Variants in SH3GL2 observed in about 807,000 individuals in gnomAD.
SH3GL2 encodes the protein SH3 domain containing GRB2 like 2, endophilin A1.
Under a neutral mutation model 46.0 loss-of-function variants are expected in SH3GL2, and 24 were observed. That is an observed-to-expected ratio of 0.52 (90% CI 0.38 to 0.73). The LOEUF (loss-of-function observed/expected upper bound fraction) is 0.73. SH3GL2 is among the 30% of genes least tolerant of loss of function. The pLI is 0.00. For synonymous variants in SH3GL2, 196 were observed against 147.1 expected (o/e 1.33, Z -2.40); for missense variants, 413 against 424.2 (o/e 0.97, Z 0.23).
intron 1 of SH3GL2, among the ~76,000 whole-genome samples, chr9:17,638,605 C>T (rs1419114619): frequency 6.6e-6 from 1 of 152,236 alleles, no homozygotes; most frequent in Non-Finnish European, 1.5e-5. Flanking sequence ...GAATGAGACA[C>T]TGCCACCAGT....
intron 1 of SH3GL2, among the ~76,000 whole-genome samples, chr9:17,695,551 C>G (rs1479774817): frequency 6.6e-6 from 1 of 152,058 alleles, no homozygotes; most frequent in Non-Finnish European, 1.5e-5. Flanking sequence ...CAGATGGCAA[C>G]TTTGAGGAGG....
intron 1 of SH3GL2, among the ~76,000 whole-genome samples, chr9:17,660,325 G>A (rs1820181580): frequency 6.6e-6 from 1 of 152,140 alleles, no homozygotes; most frequent in Admixed American, 6.6e-5. Flanking sequence ...CTCAAGCTGT[G>A]TGTCTGTGGA....
intron 1 of SH3GL2, chr9:17,654,025 C>A: frequency 5.4e-6 from 1 of 186,804 alleles, no homozygotes; most frequent in Non-Finnish European, 1.0e-5. Context: ...ATCCCTTCAG[C>A]ATTTTAAGCT....
intron 1 of SH3GL2, among the ~76,000 whole-genome samples, chr9:17,665,650 A>C (rs1041586535): frequency 6.6e-6 from 1 of 151,946 alleles, no homozygotes; most frequent in Non-Finnish European, 1.5e-5. Flanking sequence ...GAATGATGTC[A>C]TCATCGTTCT....
At chr9:17,656,552 A>G (rs1820082013) in intron 1 of SH3GL2, among the ~76,000 whole-genome samples, 1 of 152,122 alleles carries the variant, frequency 6.6e-6, no homozygotes, top group African/African-American at 2.4e-5. Flanking sequence ...ATTAAAGTAT[A>G]TGCCTGTGAT....
At chr9:17,675,434 C>A (rs928443178) in intron 1 of SH3GL2, among the ~76,000 whole-genome samples, 2 of 152,200 alleles carry the variant, frequency 1.3e-5, no homozygotes, top group African/African-American at 4.8e-5. Flanking sequence ...TAAAGAAATT[C>A]CTTTATGTAT....
chr9:17,699,511 G>A (rs1821292761), intron 1 of SH3GL2, among the ~76,000 whole-genome samples: 1 of 152,084 alleles, frequency 6.6e-6, no homozygotes, highest in Non-Finnish European at 1.5e-5. Context: ...AAGGAATTTC[G>A]CTGAAATCTG....
At chr9:17,684,908 A>C (rs117858596) in intron 1 of SH3GL2, among the ~76,000 whole-genome samples, 1 of 152,274 alleles carries the variant, frequency 6.6e-6, no homozygotes, top group African/African-American at 2.4e-5. Context: ...TTAAAAATCA[A>C]TGGAAATGAA....
intron 1 of SH3GL2, among the ~76,000 whole-genome samples, chr9:17,729,377 G>A (rs932445016): frequency 2.0e-5 from 3 of 152,034 alleles, no homozygotes; most frequent in Non-Finnish European, 4.4e-5. Context: ...TTTGTCAGAT[G>A]GATAGATTGC....
At chr9:17,671,556 T>A (rs1465938432) in intron 1 of SH3GL2, among the ~76,000 whole-genome samples, 4 of 152,160 alleles carry the variant, frequency 2.6e-5, no homozygotes, top group Non-Finnish European at 4.4e-5. Flanking sequence ...ATGGTACGAT[T>A]ATCACTCATT....
intron 1 of SH3GL2, among the ~76,000 whole-genome samples, chr9:17,618,793 T>TTTTGTG (rs1554630508): frequency 1.3e-5 from 2 of 149,484 alleles, no homozygotes; most frequent in African/African-American, 2.5e-5. Flanking sequence ...TTGGCTTATT[T>TTTTGTG]TGTGTGTGTG....
chr9:17,745,494 C>T (rs887555629), intron 1 of SH3GL2, among the ~76,000 whole-genome samples: 32 of 152,224 alleles, frequency 2.1e-4, no homozygotes, highest in African/African-American at 6.7e-4. Flanking sequence ...CAGTCCATGT[C>T]ATGCTCTTCC....
intron 1 of SH3GL2, among the ~76,000 whole-genome samples, chr9:17,595,310 A>G (rs539273110): frequency 2.6e-5 from 4 of 152,340 alleles, no homozygotes; most frequent in African/African-American, 9.6e-5. Context: ...TAAGACAACA[A>G]TATGAAAGGC....
intron 3 of SH3GL2, among the ~76,000 whole-genome samples, chr9:17,783,142 A>G (rs1823860681): frequency 6.6e-6 from 1 of 152,026 alleles, no homozygotes; most frequent in Admixed American, 6.6e-5. Context: ...TTATCATTGA[A>G]CACTGATAAC....
intron 1 of SH3GL2, among the ~76,000 whole-genome samples, chr9:17,583,192 A>G (rs1038844017): frequency 6.6e-6 from 1 of 152,216 alleles, no homozygotes; most frequent in East Asian, 1.9e-4. Flanking sequence ...CCTATAAATA[A>G]CATATAACTT....
intron 1 of SH3GL2, among the ~76,000 whole-genome samples, chr9:17,641,968 G>T (rs1179442373): frequency 6.6e-6 from 1 of 152,136 alleles, no homozygotes; most frequent in Non-Finnish European, 1.5e-5. Flanking sequence ...TAATGGGATT[G>T]CTGGGTCAAA....
At chr9:17,610,620 T>C (rs1376613197) in intron 1 of SH3GL2, among the ~76,000 whole-genome samples, 1 of 152,200 alleles carries the variant, frequency 6.6e-6, no homozygotes, top group East Asian at 1.9e-4. Context: ...GGTGTAAGGA[T>C]CCCTGGCTGA....
At chr9:17,777,576 C>T (rs978468563) in intron 3 of SH3GL2, among the ~76,000 whole-genome samples, 5 of 151,974 alleles carry the variant, frequency 3.3e-5, no homozygotes, top group African/African-American at 1.2e-4. Flanking sequence ...GTTATATAGT[C>T]CAAGATCAAG....
At chr9:17,780,275 T>G (rs1823764408) in intron 3 of SH3GL2, among the ~76,000 whole-genome samples, 1 of 152,174 alleles carries the variant, frequency 6.6e-6, no homozygotes, top group Non-Finnish European at 1.5e-5. Context: ...ATCTGTCTTG[T>G]AACTGAAATA....
Sources: allele counts gnomAD v4.1 joint callset (sites outside exome capture counted in the v4.1 genomes callset), GRCh38; gene constraint gnomAD v4.1.1; transcripts MANE v1.5; gene names NCBI Gene and HGNC (gene_info 2026-07-23, HGNC 2026-07-21).